ABCG8: variants seen among roughly 807,000 people sequenced by gnomAD.
ABCG8 encodes the protein ATP-binding cassette sub-family G member 8.
Under a neutral mutation model 71.3 loss-of-function variants are expected in ABCG8, and 81 were observed. The observed-to-expected ratio is 1.14, with a 90% CI of 0.95 to 1.37. ABCG8 has a LOEUF of 1.37. ABCG8 is among the 40% of genes most tolerant of loss of function. The probability of loss-of-function intolerance (pLI) is 0.00; values close to 1 mark genes in which losing one functional copy is unlikely to be tolerated. For synonymous variants in ABCG8, 451 were observed against 354.7 expected, an observed-to-expected ratio of 1.27 and a Z score of -3.05; for missense variants, 1,119 against 866.2, an observed-to-expected ratio of 1.29 and a Z score of -3.66.
chr2:43,862,071 G>T (rs1407998171), intron 6 of ABCG8, among the ~76,000 whole-genome samples: 1 of 150,740 alleles, frequency 6.6e-6, no homozygotes, highest in Non-Finnish European at 1.5e-5. Flanking sequence ...TAACTGGATA[G>T]AATTCTTACT....
intron 12 of ABCG8, 43 bp downstream of exon 12, chr2:43,877,731 G>C: frequency 1.2e-6 from 2 of 1,614,070 alleles, no homozygotes; most frequent in Non-Finnish European, 1.7e-6. Context: ...TGGACGTCCG[G>C]CTTTCCATCC....
At chr2:43,857,967 GATAGAATTCTCACTATCTATCT>G (rs1669171382) in intron 6 of ABCG8, among the ~76,000 whole-genome samples, 1 of 148,198 alleles carries the variant, frequency 6.7e-6, no homozygotes, top group Non-Finnish European at 1.5e-5. Context: ...TCACCATCTG[GATAGAATTCTCACTATCTATCT>G]ATAGAATTCT....
At chr2:43,869,437 A>G (rs1329636586) in intron 6 of ABCG8, among the ~76,000 whole-genome samples, 1 of 151,690 alleles carries the variant, frequency 6.6e-6, no homozygotes, top group Non-Finnish European at 1.5e-5. Flanking sequence ...CTCTCTGGAT[A>G]GAACTCTCAC....
chr2:43,850,388 C>G (rs951337900), intron 3 of ABCG8, among the ~76,000 whole-genome samples: 5 of 152,198 alleles, frequency 3.3e-5, no homozygotes, highest in Non-Finnish European at 7.3e-5. Flanking sequence ...TGCTTACTTT[C>G]TCAAATCAAT....
intron 1 of ABCG8, among the ~76,000 whole-genome samples, chr2:43,844,180 A>G (rs1668665387): frequency 6.6e-6 from 1 of 152,146 alleles, no homozygotes; most frequent in Non-Finnish European, 1.5e-5. Flanking sequence ...GTTTTTTTAT[A>G]GAACTCTCTC....
chr2:43,867,075 T>A (rs2104939025), intron 6 of ABCG8, among the ~76,000 whole-genome samples: 1 of 151,944 alleles, frequency 6.6e-6, no homozygotes, highest in African/African-American at 2.4e-5. Context: ...AAATCATCAT[T>A]CTCAGTAAAC....
intron 6 of ABCG8, among the ~76,000 whole-genome samples, 162 bp from the exon 7 acceptor site, chr2:43,871,814 T>A (rs1226760119): frequency 6.6e-6 from 1 of 152,172 alleles, no homozygotes; most frequent in Non-Finnish European, 1.5e-5. Flanking sequence ...TCCCTCTGCC[T>A]CTCTCTGCTC....
Position 43,871,980 on chromosome 2 carries a change from C to T in ABCG8, c.969C>T (p.Asp323=). 6.2e-7 allele frequency: 1 copy of T among 1,614,052 alleles called. No homozygotes were observed. Among genetic ancestry groups the T allele is most frequent in the Non-Finnish European group, 8.5e-7 (1 of 1,180,050 alleles). The change falls in exon 7 of 13, where the codon GAC becomes GAT. Residue 323 remains aspartate (D), a synonymous_variant. Transcript: ENST00000272286. ...RYSNPADFYV[D]LTSIDRRSRE... is the part of the protein sequence containing the mutation. ...CTCCACATCCCCTGCTTGCAGTGGACCTGACCAGCATTGACAGGCGCAGCA... is the reference window on the plus strand; with the variant it reads ...CTCCACATCCCCTGCTTGCAGTGGATCTGACCAGCATTGACAGGCGCAGCA...
intron 3 of ABCG8, chr2:43,848,104 G>GT (rs1668802485): frequency 6.6e-6 from 1 of 151,918 alleles, no homozygotes; most frequent in African/African-American, 2.4e-5. Context: ...TTTGGCTTCA[G>GT]GTTTACTTGC....
At chr2:43,869,268 A>G (rs529098432) in intron 6 of ABCG8, among the ~76,000 whole-genome samples, 1 of 151,324 alleles carries the variant, frequency 6.6e-6, no homozygotes, top group South Asian at 2.1e-4. Flanking sequence ...TGTGGGTGGA[A>G]CTCTCACTAT....
intron 3 of ABCG8, among the ~76,000 whole-genome samples, chr2:43,850,157 G>C (rs796628486): frequency 1.3e-5 from 2 of 152,186 alleles, no homozygotes; most frequent in East Asian, 1.9e-4. Context: ...CTGGATGGTA[G>C]AGGCTGCAGT....
At chr2:43,861,432 C>A (rs1350841542) in intron 6 of ABCG8, among the ~76,000 whole-genome samples, 1 of 151,196 alleles carries the variant, frequency 6.6e-6, no homozygotes, top group African/African-American at 2.4e-5. Context: ...ATAGAACTCT[C>A]ACTATCAATG....
chr2:43,873,691 A>T, intron 8 of ABCG8, 96 bp from the exon 9 acceptor site: 1 of 1,248,234 alleles, frequency 8.0e-7, no homozygotes, highest in Non-Finnish European at 1.2e-6. Context: ...CATTTTGCAT[A>T]GGAGAAAAAT....
In ABCG8 at chr2:43,880,333, C is replaced by T. The variant is rs1670097286; in HGVS notation, c.*2420C>T. 1.3e-5 allele frequency: 1 copy of T among 79,638 alleles called. No individual in the cohort carries two copies. Among genetic ancestry groups the T allele is most frequent in the South Asian group, 2.8e-4 (1 of 3,544 alleles). 4.9% of individuals were successfully genotyped at this position (79,638 alleles called of 1,614,324 possible). A position where few individuals can be genotyped will look rare whatever the true frequency, so the allele number is the denominator to read the frequency against. On this transcript the variant is annotated 3_prime_UTR_variant, in exon 13 of 13. Transcript: ENST00000272286. ...GGATTAACAGTGCCCACCACCACAC[C>T]TGGCTAATTTTTGTATTTTTAGTAA... is the stretch of plus-strand genomic sequence containing the variant.
chr2:43,859,504 T>C (rs1369670452), intron 6 of ABCG8, among the ~76,000 whole-genome samples: 1 of 151,508 alleles, frequency 6.6e-6, no homozygotes, highest in Non-Finnish European at 1.5e-5. Flanking sequence ...TCACTATCTA[T>C]CTGGATAGAA....
At position 43,839,127 on chromosome 2, in the gene ABCG8, A is replaced by G; in HGVS notation, c.63+11A>G. 4.5e-6 allele frequency: 7 copies of G among 1,551,090 alleles called. No homozygotes were observed. The highest frequency in any genetic ancestry group is 1.4e-5 in the African/African-American group (1 of 73,178). On this transcript the variant is annotated intron_variant, in intron 1 of 12. Transcript: ENST00000272286. ...CCCCAGGATACCTCGGTGAGTGAGC[A>G]ATGGGAAGTCGGCCCAGGCCTGGTG...
rs986092109 is a variant in ABCG8, at chr2:43,878,110, G to C, written c.*197G>C. ...ATAAAGACAGTCGAAAGGGATTTCT[G>C]CTCACTGGCAGGAGACTGCGATGAC... On this transcript the variant is annotated 3_prime_UTR_variant, in exon 13 of 13. Coordinates refer to ENST00000272286, the MANE Select transcript of ABCG8 (RefSeq NM_022437.3). 2.7e-6 allele frequency: 2 copies of C among 752,008 alleles called. No individual in the cohort carries two copies. Among genetic ancestry groups the C allele is most frequent in the African/African-American group, 1.7e-5 (1 of 57,706 alleles). The allele number at this position is 752,008 out of a possible 1,614,324, so 46.6% of individuals were successfully genotyped here.
intron 6 of ABCG8, among the ~76,000 whole-genome samples, chr2:43,859,663 CTCTCACTATCTGGATAGAAT>C (rs1405496821): frequency 2.0e-5 from 3 of 150,720 alleles, no homozygotes; most frequent in Non-Finnish European, 3.0e-5. Flanking sequence ...CCAGATAGAA[CTCTCACTATCTGGATAGAAT>C]TCTCACTATC....
intron 6 of ABCG8, among the ~76,000 whole-genome samples, chr2:43,853,449 C>T (rs1255601048): frequency 6.6e-6 from 1 of 152,192 alleles, no homozygotes; most frequent in Non-Finnish European, 1.5e-5. Context: ...TTCCCAGGTA[C>T]CTGGCCTGAA....
Sources: allele counts gnomAD v4.1 joint callset (sites outside exome capture counted in the v4.1 genomes callset), GRCh38; gene constraint gnomAD v4.1.1; transcripts MANE v1.5; gene names NCBI Gene and HGNC (gene_info 2026-07-23, HGNC 2026-07-21).